WWP2: variants seen among roughly 807,000 people sequenced by gnomAD.
The protein encoded by WWP2 is WW domain containing E3 ubiquitin protein ligase 2, also known as NEDD4-like E3 ubiquitin-protein ligase WWP2.
Under a neutral mutation model 121.0 loss-of-function variants are expected in WWP2, and 57 were observed. The ratio of observed to expected loss-of-function variants is 0.47; its 90% CI spans 0.38 to 0.59. The LOEUF is 0.59. Among genes scored for constraint, WWP2 ranks in the 20% least tolerant of loss-of-function variants. The pLI, the probability that WWP2 is intolerant of heterozygous loss-of-function variation, is 0.00. For synonymous variants in WWP2, 449 were observed against 441.3 expected, an observed-to-expected ratio of 1.02 and a Z score of -0.22; for missense variants, 962 against 1,158.9, an observed-to-expected ratio of 0.83 and a Z score of 2.47.
At chr16:69,849,482 T>TATTTATTTATTTATTCATTC (rs1555553863) in intron 6 of WWP2, among the ~76,000 whole-genome samples, 2 of 149,666 alleles carry the variant, frequency 1.3e-5, no homozygotes, top group African/African-American at 2.5e-5. Context: ...TTTATTTATT[T>TATTTATTTATTTATTCATTC]ATTCATTCAT....
chr16:69,853,371 T>A (rs8051168), intron 6 of WWP2, among the ~76,000 whole-genome samples: 103,442 of 152,002 alleles, frequency 0.68, 36,855 homozygotes, highest in East Asian at 0.9. Context: ...CTTTATGTAT[T>A]TGAAGTGGGT....
At chr16:69,863,011 G>A (rs1162550483) in intron 6 of WWP2, among the ~76,000 whole-genome samples, 1 of 152,108 alleles carries the variant, frequency 6.6e-6, no homozygotes, top group Non-Finnish European at 1.5e-5. Context: ...ACAGGTGTGA[G>A]CCGCCACCCC....
At chr16:69,924,187 CT>C (rs899413537) in intron 10 of WWP2, among the ~76,000 whole-genome samples, 3 of 152,186 alleles carry the variant, frequency 2.0e-5, no homozygotes, top group African/African-American at 7.2e-5. Context: ...GTGTTGCCAC[CT>C]TGGAAAGAAA....
chr16:69,827,760 G>A, intron 4 of WWP2: 1 of 389,902 alleles, frequency 2.6e-6, no homozygotes, highest in Non-Finnish European at 5.1e-6. Context: ...GCCTGGGCAG[G>A]GGATTAATGG....
At position 69,925,756 on chromosome 16, in the gene WWP2, G is replaced by C. The variant is rs2058630800; in HGVS notation, c.1234+272G>C. Among the ~76,000 whole-genome samples the C allele has an allele frequency of 6.6e-6, 1 of 152,162 alleles. No homozygotes were observed. Among genetic ancestry groups the C allele is most frequent in the Admixed American group, 6.5e-5 (1 of 15,274 alleles). ...AAGAAAAGATGTCCCTGAGCAGCTGGGGGGCTATTGGCTTTTGGTCTTGAG... is the reference window on the plus strand; with the variant it reads ...AAGAAAAGATGTCCCTGAGCAGCTGCGGGGCTATTGGCTTTTGGTCTTGAG... On this transcript the variant is annotated intron_variant, in intron 11 of 23. Transcript: ENST00000359154. The surrounding 1 kb of genome is among the most constrained non-coding windows in gnomAD (Gnocchi z 4.0).
chr16:69,810,123 C>T (rs768853226), intron 4 of WWP2, among the ~76,000 whole-genome samples: 8 of 152,204 alleles, frequency 5.3e-5, no homozygotes, highest in East Asian at 1.9e-4. Flanking sequence ...TCCTCTTCCA[C>T]GGACAGAATT....
intron 4 of WWP2, among the ~76,000 whole-genome samples, chr16:69,826,684 C>G (rs1343070864): frequency 1.3e-5 from 2 of 148,694 alleles, no homozygotes; most frequent in East Asian, 3.9e-4. Context: ...TCGAGACCAT[C>G]CTGGCTAACA....
intron 8 of WWP2, among the ~76,000 whole-genome samples, chr16:69,895,649 A>G (rs2058093974): frequency 6.6e-6 from 1 of 152,184 alleles, no homozygotes; most frequent in African/African-American, 2.4e-5. Flanking sequence ...GATCCTAGCT[A>G]TTCTGGAGGC....
At chr16:69,927,031 G>C (rs562740397) in intron 11 of WWP2, among the ~76,000 whole-genome samples, 1 of 152,222 alleles carries the variant, frequency 6.6e-6, no homozygotes. Context: ...AACAGCTCTC[G>C]AATGCTAAGT....
chr16:69,933,815 A>T (rs750449137), intron 16 of WWP2, among the ~76,000 whole-genome samples, 155 bp from the exon 17 acceptor site: 29 of 152,088 alleles, frequency 1.9e-4, no homozygotes, highest in African/African-American at 9.7e-5. Flanking sequence ...CCAGCTGTTC[A>T]TATAGGTTAG....
At chr16:69,920,519 G>A (rs893665743) in intron 10 of WWP2, among the ~76,000 whole-genome samples, 1 of 152,064 alleles carries the variant, frequency 6.6e-6, no homozygotes, top group Admixed American at 6.5e-5. Flanking sequence ...AAGGTCTGGG[G>A]CATCTTTCTT....
rs151061728 is a variant in WWP2, at chr16:69,895,738, T to A, written c.914+7489T>A. On this transcript the variant is annotated intron_variant, in intron 8 of 23. Transcript: ENST00000359154. ...TCAAGTCACTGCCCTTCAGCCTGGA[T>A]GACTGAGTGAGACCCTGTCTCAGTT... is the stretch of plus-strand genomic sequence containing the variant. Among the ~76,000 whole-genome samples, 11 of 152,348 alleles carry A rather than the reference T, an allele frequency of 7.2e-5. No individual in the cohort carries two copies. The East Asian group carries it at 1.9e-3, about 27-fold the overall frequency.
rs562949092 is a variant in WWP2, at chr16:69,939,058, T to G, written c.2375T>G (p.Ile792Ser). 5.0e-6 allele frequency: 8 copies of G among 1,606,790 alleles called. No individual in the cohort carries two copies. The Admixed American group carries it at 1.4e-4, about 27-fold the overall frequency. The change falls in exon 22 of 24, where the codon ATC (isoleucine) becomes AGC (serine). Residue 792 changes from isoleucine to serine, a missense_variant. Ile to Ser is a moderately radical substitution (Grantham distance 142). Around this residue, in one of 3 missense-constraint regions of WWP2, gnomAD observed 606 missense variants for 772.6 expected, o/e 0.78. Transcript: ENST00000359154. ...AAGGAGATGGACAACGAGAAGAGGA[T>G]CCGGCTGCTGCAGTTTGTCACCGGT... is the stretch of plus-strand genomic sequence containing the variant. Reference protein sequence around the residue: ...VVKEMDNEKRIRLLQFVTGTC... With the variant: ...VVKEMDNEKRSRLLQFVTGTC...
chr16:69,848,311 G>A (rs1013005667), intron 6 of WWP2, among the ~76,000 whole-genome samples: 2 of 152,042 alleles, frequency 1.3e-5, no homozygotes, highest in African/African-American at 2.4e-5. Context: ...TTAGCCAGGC[G>A]TGGTGGCGCA....
chr16:69,823,819 A>G (rs955220605), intron 4 of WWP2, among the ~76,000 whole-genome samples: 1 of 152,170 alleles, frequency 6.6e-6, no homozygotes, highest in Admixed American at 6.5e-5. Flanking sequence ...TTTTCTGCGA[A>G]ATCAGGTTAC....
At chr16:69,805,195 A>C (rs928636585) in intron 4 of WWP2, among the ~76,000 whole-genome samples, 1 of 151,806 alleles carries the variant, frequency 6.6e-6, no homozygotes, top group Non-Finnish European at 1.5e-5. Context: ...GCCCAACACC[A>C]TGCCTAATTT....
At chr16:69,883,535 C>G (rs1203491489) in intron 7 of WWP2, among the ~76,000 whole-genome samples, 1 of 152,012 alleles carries the variant, frequency 6.6e-6, no homozygotes, top group African/African-American at 2.4e-5. Context: ...TTTCTGTTTC[C>G]AAATCTGAAC....
At chr16:69,837,091 T>G (rs1204578252) in intron 4 of WWP2, among the ~76,000 whole-genome samples, 1 of 152,062 alleles carries the variant, frequency 6.6e-6, no homozygotes, top group East Asian at 1.9e-4. Flanking sequence ...ATCCAGCTAA[T>G]TTTTGGCATT....
chr16:69,813,046 G>C (rs1280309570), intron 4 of WWP2, among the ~76,000 whole-genome samples: 3 of 151,906 alleles, frequency 2.0e-5, no homozygotes, highest in Non-Finnish European at 2.9e-5. Flanking sequence ...AATTGGCATA[G>C]TACTGCAAAG....
Sources: gnomAD v4.1 joint callset for allele counts (sites outside exome capture counted in the v4.1 genomes callset) on GRCh38, gnomAD v4.1.1 for gene constraint, gnomAD v4.1.1 regional missense constraint, Gnocchi (gnomAD v3.1) non-coding constraint, MANE v1.5 for transcripts, NCBI Gene and HGNC (gene_info 2026-07-23, HGNC 2026-07-21) for gene names.